The following BPNT1 variants were observed in gnomAD, a reference collection of about 807,000 sequenced individuals.
BPNT1 encodes 3'(2'), 5'-bisphosphate nucleotidase 1, also known as 3'(2'),5'-bisphosphate nucleotidase 1.
BPNT1 carries 28 observed loss-of-function variants against 36.9 expected under a neutral mutation model. The observed-to-expected ratio is 0.76, with a 90% CI of 0.56 to 1.04. BPNT1 has a LOEUF of 1.04. Ranked by LOEUF, BPNT1 falls within the 50% of genes least tolerant of loss-of-function variation. The pLI, the probability that BPNT1 is intolerant of heterozygous loss-of-function variation, is 0.00. For synonymous variants in BPNT1, 119 were observed against 130.9 expected (o/e 0.91, Z 0.62); for missense variants, 313 against 372.9 (o/e 0.84, Z 1.32).
intron 4 of BPNT1, 31 bp from the exon 5 acceptor site, chr1:220,069,463 T>C: frequency 6.4e-7 from 1 of 1,550,468 alleles, no homozygotes; most frequent in Non-Finnish European, 8.8e-7. Context: ...GGAAAATATC[T>C]AAATCAAGCA....
rs568999203 is a variant in BPNT1 at position 220,058,525 on chromosome 1, TG to T, written c.*318del. ...AGTAAATGAAACTTTAAGTACTTTT[TG>T]GGTTTTTGTTTTTTTTTTTTCTGAG... On this transcript the variant is annotated 3_prime_UTR_variant, in exon 9 of 9. Transcript: ENST00000322067. 2 of 1,001,862 alleles carry T rather than the reference TG, an allele frequency of 2.0e-6. No individual in the cohort carries two copies. Among genetic ancestry groups the T allele is most frequent in the African/African-American group, 3.4e-5 (2 of 58,156 alleles). 62.1% of individuals were successfully genotyped at this position (1,001,862 alleles called of 1,614,324 possible).
At position 220,085,957 on chromosome 1, in the gene BPNT1, A is replaced by C. The variant is rs1655678505; in HGVS notation, c.-9+3729T>G. 2.0e-5 allele frequency among the ~76,000 whole-genome samples: 3 copies of C among 152,244 alleles called. No homozygotes were observed. In the South Asian group the frequency reaches 6.2e-4, roughly 31 times the overall value. On this transcript the variant is annotated intron_variant, in intron 1 of 8. Transcript: ENST00000322067. ...TAGGATCTAAAAATGATGAGTTCCA[A>C]GTCAAAATACTAAAATTATTTATAT... is the stretch of plus-strand genomic sequence containing the variant.
intron 2 of BPNT1, among the ~76,000 whole-genome samples, chr1:220,079,094 T>C (rs909502947): frequency 6.6e-6 from 1 of 152,156 alleles, no homozygotes; most frequent in Admixed American, 6.6e-5. Context: ...AAATGCCAGA[T>C]TTTACCGAAC....
intron 7 of BPNT1, among the ~76,000 whole-genome samples, chr1:220,061,666 A>G (rs989512556): frequency 6.6e-6 from 1 of 152,128 alleles, no homozygotes; most frequent in African/African-American, 2.4e-5. Flanking sequence ...TGGTGGTGCC[A>G]TTAGTGGGAT....
At chr1:220,061,571 C>T (rs146621548) in intron 7 of BPNT1, among the ~76,000 whole-genome samples, 2 of 149,668 alleles carry the variant, frequency 1.3e-5, no homozygotes, top group Non-Finnish European at 3.0e-5. Context: ...TCAGAAGATA[C>T]ATAAGTAGGA....
At position 220,080,095 on chromosome 1, in the gene BPNT1, T is replaced by C. The variant is rs182807419; in HGVS notation, c.-8-241A>G. Among the ~76,000 whole-genome samples, 102 of 152,292 alleles carry C rather than the reference T, an allele frequency of 6.7e-4. No homozygotes were observed. The East Asian group carries it at 0.013, about 20-fold the overall frequency. ...TCTGCAGATGAGACATGTCAAAGCA[T>C]AGGAGAAACTGGCCCAGGATGCTGA... On this transcript the variant is annotated intron_variant, in intron 1 of 8. Transcript: ENST00000322067.
chr1:220,079,465 G>A (rs1315414068), intron 2 of BPNT1, among the ~76,000 whole-genome samples: 1 of 151,864 alleles, frequency 6.6e-6, no homozygotes, highest in Non-Finnish European at 1.5e-5. Flanking sequence ...TGTTGGCCAG[G>A]CTGGTCTCAA....
chr1:220,083,139 A>T (rs1197931173), intron 1 of BPNT1, among the ~76,000 whole-genome samples: 1 of 150,808 alleles, frequency 6.6e-6, no homozygotes, highest in East Asian at 2.1e-4. Context: ...CAGGAGGCTG[A>T]GGCAGGAGAA....
rs751145518 is a variant in BPNT1 at position 220,079,790 on chromosome 1, AG to A, written c.56del (p.Ala19ValfsTer6). The A allele has an allele frequency of 1.5e-5, 25 of 1,614,160 alleles. No homozygotes were observed. The highest frequency in any genetic ancestry group is 2.0e-5 in the Non-Finnish European group (24 of 1,180,016). On this transcript the variant is annotated frameshift_variant, in exon 2 of 9. Transcript: ENST00000322067. LOFTEE classifies it high-confidence loss of function. ...GTCTGACTATCATTCCTGCCTTTTGAGCAATAGAATATGCGGAGGCTACCAA... is the reference window on the plus strand; with the variant it reads ...GTCTGACTATCATTCCTGCCTTTTGACAATAGAATATGCGGAGGCTACCAA... ...MRLVASAYSI[A>X]QKAGMIVRRV...
At chr1:220,069,943 A>T (rs1173622443) in intron 4 of BPNT1, among the ~76,000 whole-genome samples, 1 of 152,136 alleles carries the variant, frequency 6.6e-6, no homozygotes, top group African/African-American at 2.4e-5. Context: ...TCTCAAAAAA[A>T]AAAAATACAA....
At position 220,059,626 on chromosome 1, in the gene BPNT1, T is replaced by A; in HGVS notation, c.778+60A>T. 1.1e-5 allele frequency: 13 copies of A among 1,223,316 alleles called. 1 individual carries two copies. In the South Asian group the frequency reaches 1.7e-4, roughly 16 times the overall value. The allele number at this position is 1,223,316 out of a possible 1,614,324, so 75.8% of individuals were successfully genotyped here. A position where few individuals can be genotyped will look rare whatever the true frequency, so the allele number is the denominator to read the frequency against. ...GTAAAATAATATTACTGAGATATTATGTCTTAGCATGATATAATTGTAGAA... is the reference window on the plus strand; with the variant it reads ...GTAAAATAATATTACTGAGATATTAAGTCTTAGCATGATATAATTGTAGAA... On this transcript the variant is annotated intron_variant, in intron 8 of 8. Transcript: ENST00000322067.
intron 2 of BPNT1, among the ~76,000 whole-genome samples, chr1:220,076,703 A>C (rs968049123): frequency 2.1e-5 from 3 of 144,378 alleles, no homozygotes; most frequent in African/African-American, 7.9e-5. Flanking sequence ...AAAATAAATT[A>C]ATAATAATAA....
chr1:220,058,768 A>T lies in BPNT1; in HGVS notation c.*76T>A. ...GGTCTCAAACTCCTGAGCTCAAGTG[A>T]TCCACCTGCCTCGGCCTCCCAAAGT... On this transcript the variant is annotated 3_prime_UTR_variant, in exon 9 of 9. Coordinates refer to ENST00000322067, the MANE Select transcript of BPNT1 (RefSeq NM_006085.6). The T allele has an allele frequency of 1.4e-6, 2 of 1,416,692 alleles. No homozygotes were observed. The highest frequency in any genetic ancestry group is 2.0e-6 in the Non-Finnish European group (2 of 1,014,930). 87.8% of individuals were successfully genotyped at this position (1,416,692 alleles called of 1,614,324 possible).
rs902306451 is a variant in BPNT1 at position 220,069,380 on chromosome 1, C to T, written c.382+4G>A. 6 of 1,595,198 alleles carry T rather than the reference C, an allele frequency of 3.8e-6. No homozygotes were observed. Among genetic ancestry groups the T allele is most frequent in the Non-Finnish European group, 5.1e-6 (6 of 1,171,182 alleles). On this transcript the variant is annotated splice_donor_region_variant and intron_variant, in intron 5 of 8. Transcript: ENST00000322067. ...TCAAATATGAATACAAAAGAGATAT[C>T]AACCTTCGGTATATTCCTTGGTTCC...
chr1:220,072,724 A>G (rs1664178984), intron 4 of BPNT1, 126 bp downstream of exon 4: 2 of 690,632 alleles, frequency 2.9e-6, no homozygotes, highest in African/African-American at 1.8e-5. Flanking sequence ...GCTCTGAAAG[A>G]TATCAAGTTT....
rs1472504110 is a variant in BPNT1, at chr1:220,058,842, C to T, written c.*2G>A. ...CCGCGCCCGGCCAAATGAAACTTTC[C>T]TTTAAGGAACAAGTGCATTTTTAAT... On this transcript the variant is annotated 3_prime_UTR_variant, in exon 9 of 9. Coordinates refer to ENST00000322067, the MANE Select transcript of BPNT1 (RefSeq NM_006085.6). The T allele has an allele frequency of 1.2e-5, 19 of 1,613,724 alleles. No individual in the cohort carries two copies. Among genetic ancestry groups the T allele is most frequent in the Non-Finnish European group, 1.6e-5 (19 of 1,179,858 alleles).
At chr1:220,069,555 T>C (rs1663859115) in intron 4 of BPNT1, 123 bp from the exon 5 acceptor site, 1 of 639,192 alleles carries the variant, frequency 1.6e-6, no homozygotes, top group Non-Finnish European at 2.6e-6. Flanking sequence ...ATGGCTTAAA[T>C]TAATGTCATC....
At position 220,058,788 on chromosome 1, in the gene BPNT1, C is replaced by G. The variant is rs977032955; in HGVS notation, c.*56G>C. The G allele has an allele frequency of 6.4e-7, 1 of 1,550,784 alleles. No individual in the cohort carries two copies. The highest frequency in any genetic ancestry group is 1.4e-5 in the African/African-American group (1 of 73,522). On this transcript the variant is annotated 3_prime_UTR_variant, in exon 9 of 9. Transcript: ENST00000322067. ...AAGTGATCCACCTGCCTCGGCCTCC[C>G]AAAGTGCTGGGATTACAGGCATGAG...
intron 6 of BPNT1, among the ~76,000 whole-genome samples, chr1:220,065,397 C>G (rs1476840575): frequency 6.6e-6 from 1 of 152,162 alleles, no homozygotes; most frequent in Non-Finnish European, 1.5e-5. Context: ...CGAAAATTTT[C>G]TGACAATTAA....
Sources: gnomAD v4.1 joint callset for allele counts (sites outside exome capture counted in the v4.1 genomes callset) on GRCh38, gnomAD v4.1.1 for gene constraint, MANE v1.5 for transcripts, NCBI Gene and HGNC (gene_info 2026-07-23, HGNC 2026-07-21) for gene names.